Variants in COL7A1 observed in about 807,000 individuals in gnomAD.
COL7A1 encodes the protein collagen type VII alpha 1 chain.
Under a neutral mutation model 456.2 loss-of-function variants are expected in COL7A1, and 296 were observed. That is an observed-to-expected ratio of 0.65 (90% CI 0.59 to 0.71). The LOEUF is 0.71. Ranked by LOEUF, COL7A1 falls within the 30% of genes least tolerant of loss-of-function variation. The pLI, the probability that COL7A1 is intolerant of heterozygous loss-of-function variation, is 0.00. For missense variants in COL7A1, 3,441 were observed against 4,017.2 expected, an observed-to-expected ratio of 0.86 and a Z score of 3.88; for synonymous variants, 1,464 against 1,525.9, an observed-to-expected ratio of 0.96 and a Z score of 0.95.
Position 48,585,409 on chromosome 3 carries a change from C to T in COL7A1, c.3894+148G>A, listed in dbSNP as rs2045168810. The T allele has an allele frequency of 1.0e-6, 1 of 978,986 alleles. No individual in the cohort carries two copies. The highest frequency in any genetic ancestry group is 1.4e-5 in the South Asian group (1 of 74,004). 60.6% of individuals were successfully genotyped at this position (978,986 alleles called of 1,614,324 possible). On this transcript the variant is annotated intron_variant, in intron 32 of 118. Transcript: ENST00000681320. This position sits in a 1 kb window ranked among gnomAD's most constrained non-coding sequence, Gnocchi z 4.5. ...TGGCCCTTCTATTTCAGAGTGTCCC[C>T]CAAAGTCTCTGTGGTGGTTTATAAC...
At chr3:48,577,158 G>T in intron 65 of COL7A1, 131 bp from the exon 66 acceptor site, 1 of 1,317,854 alleles carries the variant, frequency 7.6e-7, no homozygotes, top group Non-Finnish European at 1.1e-6. Flanking sequence ...GTGTCTTGGA[G>T]CATGGCCTGT....
Position 48,570,170 on chromosome 3 carries a change from A to G in COL7A1, c.7449T>C (p.Asp2483=), listed in dbSNP as rs2107644910. The change falls in exon 99 of 119, where the codon GAT becomes GAC. Residue 2483 remains aspartate (D), a synonymous_variant. Coordinates refer to ENST00000681320, the MANE Select transcript of COL7A1 (RefSeq NM_000094.4). This position sits in a 1 kb window ranked among gnomAD's most constrained non-coding sequence, Gnocchi z 5.5. ...GGGGTCCCTCCTGGCCGGGGCGGCC[A>G]TCTTCACCCTGGATGGTGACATTAG... ...ERGEPGIRGE[D]GRPGQEGPRG... is the part of the protein sequence containing the mutation. 6.2e-7 allele frequency: 1 copy of G among 1,614,190 alleles called. No homozygotes were observed. Among genetic ancestry groups the G allele is most frequent in the Non-Finnish European group, 8.5e-7 (1 of 1,180,018 alleles).
Position 48,565,064 on chromosome 3 carries a change from C to T in COL7A1, c.8620+45G>A. 7 of 1,587,588 alleles carry T rather than the reference C, an allele frequency of 4.4e-6. No individual in the cohort carries two copies. The highest frequency in any genetic ancestry group is 6.0e-6 in the Non-Finnish European group (7 of 1,170,660). On this transcript the variant is annotated intron_variant, in intron 117 of 118. Coordinates refer to ENST00000681320, the MANE Select transcript of COL7A1 (RefSeq NM_000094.4). This position sits in a 1 kb window ranked among gnomAD's most constrained non-coding sequence, Gnocchi z 4.5. ...AGGGGGAGGTCAGCAGGGCTCAGCC[C>T]TGCCTGCCCCTCCCCAGACCCCGCT...
At position 48,593,747 on chromosome 3, in the gene COL7A1, C is replaced by G; in HGVS notation, c.267-51G>C. On this transcript the variant is annotated intron_variant, in intron 3 of 118. Transcript: ENST00000681320. The surrounding 1 kb of genome is among the most constrained non-coding windows in gnomAD (Gnocchi z 4.4). ...GGCTAGGACTCAGGATCTCTTCTGG[C>G]CCTGGCCTTGAGGAGGCCTCTAGGG... 6.2e-7 allele frequency: 1 copy of G among 1,612,452 alleles called. No homozygotes were observed. The highest frequency in any genetic ancestry group is 1.3e-5 in the African/African-American group (1 of 75,010).
chr3:48,587,919 C>T lies in COL7A1; in HGVS notation c.2731G>A (p.Val911Ile), dbSNP rs1176948687. 2.5e-6 allele frequency: 4 copies of T among 1,600,000 alleles called. No individual in the cohort carries two copies. Among genetic ancestry groups the T allele is most frequent in the Non-Finnish European group, 3.4e-6 (4 of 1,173,766 alleles). Residue 911 changes from valine to isoleucine, a missense_variant, in exon 22 of 119, where the codon GTC becomes ATC. By Grantham distance (29) the Val-to-Ile change is conservative (BLOSUM62 3). Coordinates refer to ENST00000681320, the MANE Select transcript of COL7A1 (RefSeq NM_000094.4). The surrounding 1 kb of genome is among the most constrained non-coding windows in gnomAD (Gnocchi z 6.1). The stretch of plus-strand genomic sequence containing the variant: ...TAGCTGCTGAGCTCGGGCCCCAGGA[C>T]CCGGGACTGTTCCTGGCCACCTGGG... ...QPEGGQEQSR[V>I]LGPELSSYHL...
At chr3:48,595,229 C>T in intron 1 of COL7A1, 39 bp downstream of exon 1, 2 of 1,317,004 alleles carry the variant, frequency 1.5e-6, no homozygotes, top group Admixed American at 2.0e-5. Context: ...CTTGGCAGGT[C>T]CGAGCCCAGC....
rs748414399 is a variant in COL7A1, at chr3:48,592,070, C to T, written c.1240+32G>A. 2 of 1,614,178 alleles carry T rather than the reference C, an allele frequency of 1.2e-6. No homozygotes were observed. Among genetic ancestry groups the T allele is most frequent in the Admixed American group, 3.3e-5 (2 of 60,036 alleles). ...TCCGGGCCTTGCCCTGCCTGCCCGT[C>T]CCAGCCTGAAGAAAGTGCCCAGCCT... On this transcript the variant is annotated intron_variant, in intron 10 of 118. Coordinates refer to ENST00000681320, the MANE Select transcript of COL7A1 (RefSeq NM_000094.4). The surrounding 1 kb of genome is among the most constrained non-coding windows in gnomAD (Gnocchi z 7.6).
chr3:48,584,414 A>T, intron 36 of COL7A1, 39 bp from the exon 37 acceptor site: 2 of 1,613,092 alleles, frequency 1.2e-6, no homozygotes, highest in Non-Finnish European at 1.7e-6. Context: ...AACCCCACAG[A>T]CCTCACTCTC....
In COL7A1 at chr3:48,577,015, C is replaced by G; in HGVS notation, c.5545G>C (p.Asp1849His). The G allele has an allele frequency of 6.2e-7, 1 of 1,613,984 alleles. No homozygotes were observed. The highest frequency in any genetic ancestry group is 8.5e-7 in the Non-Finnish European group (1 of 1,180,038). ...ACCTTCCTCCCGTCTTCTCCAGGGT[C>G]CCCAGGTTCTCCCTGTGGGCAGAGG... ...GLNGKNGEPG[D>H]PGEDGRKGEK... is the part of the protein sequence containing the mutation. The change falls in exon 66 of 119, where the codon GAC becomes CAC. Residue 1849 changes from aspartate (D) to histidine (H), a missense_variant. Asp to His is a moderately conservative substitution (Grantham distance 81, BLOSUM62 -1). Coordinates refer to ENST00000681320, the MANE Select transcript of COL7A1 (RefSeq NM_000094.4).
Position 48,587,271 on chromosome 3 carries a change from G to C in COL7A1, c.3058C>G (p.Pro1020Ala). 1 of 1,611,086 alleles carries C rather than the reference G, an allele frequency of 6.2e-7. No homozygotes were observed. Among genetic ancestry groups the C allele is most frequent in the Non-Finnish European group, 8.5e-7 (1 of 1,178,654 alleles). Residue 1020 changes from proline to alanine, a missense_variant, in exon 24 of 119, where the codon CCT (proline) becomes GCT (alanine). Around this residue, in one of 3 missense-constraint regions of COL7A1, gnomAD observed 444 missense variants for 427.6 expected, o/e 1.04. Coordinates refer to ENST00000681320, the MANE Select transcript of COL7A1 (RefSeq NM_000094.4). This position sits in a 1 kb window ranked among gnomAD's most constrained non-coding sequence, Gnocchi z 6.1. ...SSSQRVTGLE[P>A]GVSYIFSLTP... Reference sequence around the variant, plus strand: ...AGGGAGAAGATGTAAGAGACGCCAGGCTCTAGCCCTGTCACCCGCTGGGAG... The same window carrying C: ...AGGGAGAAGATGTAAGAGACGCCAGCCTCTAGCCCTGTCACCCGCTGGGAG...
Position 48,567,375 on chromosome 3 carries a change from C to A in COL7A1, c.8047-185G>T. On this transcript the variant is annotated intron_variant, in intron 109 of 118. Coordinates refer to ENST00000681320, the MANE Select transcript of COL7A1 (RefSeq NM_000094.4). This position sits in a 1 kb window ranked among gnomAD's most constrained non-coding sequence, Gnocchi z 4.3. Reference sequence around the variant, plus strand: ...ATAGCCCCCTGCCCTGATGCACATGCCCCCTCCACCTCCCATGCTTTCATC... The same window carrying A: ...ATAGCCCCCTGCCCTGATGCACATGACCCCTCCACCTCCCATGCTTTCATC... 3.3e-6 allele frequency: 3 copies of A among 900,180 alleles called. No individual in the cohort carries two copies. Among genetic ancestry groups the A allele is most frequent in the Non-Finnish European group, 5.3e-6 (3 of 568,068 alleles). 55.8% of individuals were successfully genotyped at this position (900,180 alleles called of 1,614,324 possible). A position where few individuals can be genotyped will look rare whatever the true frequency, so the allele number is the denominator to read the frequency against.
At chr3:48,584,871 G>A (rs1411157215) in intron 34 of COL7A1, 39 bp downstream of exon 34, 2 of 1,613,944 alleles carry the variant, frequency 1.2e-6, no homozygotes, top group Non-Finnish European at 1.7e-6. Context: ...AAGAACCCTG[G>A]GAAGACACTT....
At position 48,584,965 on chromosome 3, in the gene COL7A1, GC is replaced by G. The variant is rs776439929; in HGVS notation, c.3976-21del. ...AGAGCCCTGCAAATGGAGGCCAGAGGCAGAACAGTCGGAGCCACCCCACCCA... is the reference window on the plus strand; with the variant it reads ...AGAGCCCTGCAAATGGAGGCCAGAGGAGAACAGTCGGAGCCACCCCACCCA... On this transcript the variant is annotated intron_variant, in intron 33 of 118. Coordinates refer to ENST00000681320, the MANE Select transcript of COL7A1 (RefSeq NM_000094.4). 6.2e-7 allele frequency: 1 copy of G among 1,613,766 alleles called. No individual in the cohort carries two copies. Among genetic ancestry groups the G allele is most frequent in the East Asian group, 2.2e-5 (1 of 44,876 alleles).
chr3:48,585,153 T>C lies in COL7A1; in HGVS notation c.3895-37A>G. The C allele has an allele frequency of 6.2e-7, 1 of 1,600,160 alleles. No homozygotes were observed. Among genetic ancestry groups the C allele is most frequent in the Non-Finnish European group, 8.5e-7 (1 of 1,173,268 alleles). ...AAGAGGTCAGGACAGGAAGGGACCCTCCCCCAAGGCCCCTGGTTTGCTGGA... is the reference window on the plus strand; with the variant it reads ...AAGAGGTCAGGACAGGAAGGGACCCCCCCCCAAGGCCCCTGGTTTGCTGGA... On this transcript the variant is annotated intron_variant, in intron 32 of 118. Coordinates refer to ENST00000681320, the MANE Select transcript of COL7A1 (RefSeq NM_000094.4). This position sits in a 1 kb window ranked among gnomAD's most constrained non-coding sequence, Gnocchi z 4.5.
intron 71 of COL7A1, 117 bp downstream of exon 71, chr3:48,576,132 G>T: frequency 6.6e-7 from 1 of 1,507,648 alleles, no homozygotes; most frequent in Non-Finnish European, 9.1e-7. Flanking sequence ...AATGGGGCAG[G>T]GCACTGAACA....
In COL7A1 at chr3:48,583,914, C is replaced by T. The variant is rs369814181; in HGVS notation, c.4264G>A (p.Glu1422Lys). 12 of 1,613,834 alleles carry T rather than the reference C, an allele frequency of 7.4e-6. No homozygotes were observed. Among genetic ancestry groups the T allele is most frequent in the Non-Finnish European group, 9.3e-6 (11 of 1,179,990 alleles). ...AGGCCCCTCACCGGCAGCCCAGGCT[C>T]CCCAGGAGCAATGCCACCTTCACCT... Reference protein sequence around the residue: ...GPGEGGIAPGEPGLPGLPGSP... With the variant: ...GPGEGGIAPGKPGLPGLPGSP... The change falls in exon 39 of 119, where the codon GAG becomes AAG. Residue 1422 changes from glutamate (E) to lysine (K), a missense_variant. This residue lies in a region of COL7A1 where 2,084 missense variants were observed against 2,501.3 expected (regional missense o/e 0.83). Transcript: ENST00000681320. The surrounding 1 kb of genome is among the most constrained non-coding windows in gnomAD (Gnocchi z 5.1).
At position 48,579,996 on chromosome 3, in the gene COL7A1, C is replaced by T; in HGVS notation, c.5124+35G>A. 6.2e-7 allele frequency: 1 copy of T among 1,613,980 alleles called. No homozygotes were observed. Among genetic ancestry groups the T allele is most frequent in the Non-Finnish European group, 8.5e-7 (1 of 1,179,932 alleles). On this transcript the variant is annotated intron_variant, in intron 57 of 118. Transcript: ENST00000681320. This position sits in a 1 kb window ranked among gnomAD's most constrained non-coding sequence, Gnocchi z 4.4. ...GTGGAGCCAAAGGGGCAAGTGAGAACAATGACAGAGGACCAGACCCAGCGC... is the reference window on the plus strand; with the variant it reads ...GTGGAGCCAAAGGGGCAAGTGAGAATAATGACAGAGGACCAGACCCAGCGC...
chr3:48,594,820 C>T lies in COL7A1; in HGVS notation c.85+255G>A, dbSNP rs2045963454. On this transcript the variant is annotated intron_variant, in intron 2 of 118. Coordinates refer to ENST00000681320, the MANE Select transcript of COL7A1 (RefSeq NM_000094.4). The surrounding 1 kb of genome is among the most constrained non-coding windows in gnomAD (Gnocchi z 5.5). Reference sequence around the variant, plus strand: ...ACTGAGGTCAGCCTCTAGGGGCCGGCGTGGATTGGCATAAGGCAGGGGACC... The same window carrying T: ...ACTGAGGTCAGCCTCTAGGGGCCGGTGTGGATTGGCATAAGGCAGGGGACC... 6.6e-6 allele frequency among the ~76,000 whole-genome samples: 1 copy of T among 152,034 alleles called. No homozygotes were observed. Among genetic ancestry groups the T allele is most frequent in the Non-Finnish European group, 1.5e-5 (1 of 68,016 alleles).
Position 48,592,052 on chromosome 3 carries a change from C to T in COL7A1, c.1241-38G>A, listed in dbSNP as rs777515869. The stretch of plus-strand genomic sequence containing the variant: ...CATGGGATGTCAGTGGCCTCCGGGC[C>T]TTGCCCTGCCTGCCCGTCCCAGCCT... On this transcript the variant is annotated intron_variant, in intron 10 of 118. Transcript: ENST00000681320. This position sits in a 1 kb window ranked among gnomAD's most constrained non-coding sequence, Gnocchi z 7.6. The T allele has an allele frequency of 4.3e-6, 7 of 1,614,046 alleles. No homozygotes were observed. The South Asian group carries it at 5.5e-5, about 13-fold the overall frequency.
Sources: gnomAD v4.1 joint callset for allele counts (sites outside exome capture counted in the v4.1 genomes callset) on GRCh38, gnomAD v4.1.1 for gene constraint, gnomAD v4.1.1 regional missense constraint, Gnocchi (gnomAD v3.1) non-coding constraint, MANE v1.5 for transcripts, NCBI Gene and HGNC (gene_info 2026-07-23, HGNC 2026-07-21) for gene names.